The following MYO9B variants were observed in gnomAD, a reference collection of about 807,000 sequenced individuals.
The protein encoded by MYO9B is unconventional myosin-IXb.
Under a neutral mutation model 229.5 loss-of-function variants are expected in MYO9B, and 71 were observed. That is an observed-to-expected ratio of 0.31 (90% CI 0.26 to 0.38). MYO9B has a LOEUF of 0.38. Ranked by LOEUF, MYO9B falls within the 10% of genes least tolerant of loss-of-function variation. MYO9B has a pLI of 1.00. For missense variants in MYO9B, 2,255 were observed against 2,920.5 expected (o/e 0.77, Z 5.25); for synonymous variants, 1,185 against 1,235.8 (o/e 0.96, Z 0.86).
intron 2 of MYO9B, among the ~76,000 whole-genome samples, chr19:17,127,686 G>A (rs1406043391): frequency 6.6e-6 from 1 of 152,188 alleles, no homozygotes; most frequent in Non-Finnish European, 1.5e-5. Context: ...TACAGTAATA[G>A]GTGGCTGGCC....
rs547342934 is a variant in MYO9B at position 17,173,313 on chromosome 19, T to TTTTTTTTTTA, written c.2140+350_2140+351insTTTTTTTTTA. 1.6e-5 allele frequency among the ~76,000 whole-genome samples: 2 copies of TTTTTTTTTTA among 125,884 alleles called. 1 individual carries two copies. The highest frequency in any genetic ancestry group is 3.2e-5 in the Non-Finnish European group (2 of 62,336). The allele number at this position is 125,884 out of a possible 152,430, so 82.6% of individuals were successfully genotyped here. ...TGCTCTTTTTTTTTTTTTTTTTTTT[T>TTTTTTTTTTA]AGAGACAGGGTCTCTCTCTCTCTCT... is the stretch of plus-strand genomic sequence containing the variant. On this transcript the variant is annotated intron_variant, in intron 13 of 39. Coordinates refer to ENST00000682292, the MANE Select transcript of MYO9B (RefSeq NM_004145.4).
chr19:17,111,070 G>T (rs2057843465), intron 2 of MYO9B, among the ~76,000 whole-genome samples: 1 of 152,048 alleles, frequency 6.6e-6, no homozygotes, highest in South Asian at 2.1e-4. Context: ...TATCCACTTC[G>T]ACCTCTGCCC....
chr19:17,076,466 C>G (rs952973102), intron 1 of MYO9B, among the ~76,000 whole-genome samples: 1 of 151,888 alleles, frequency 6.6e-6, no homozygotes, highest in Non-Finnish European at 1.5e-5. Context: ...GTAGAAGTCA[C>G]GGTAAGAACT....
intron 1 of MYO9B, among the ~76,000 whole-genome samples, chr19:17,085,995 G>A (rs1339107821): frequency 6.6e-6 from 1 of 152,094 alleles, no homozygotes; most frequent in Non-Finnish European, 1.5e-5. Context: ...CCTTCTACCT[G>A]TGACCAGAAC....
intron 11 of MYO9B, among the ~76,000 whole-genome samples, chr19:17,169,086 C>T (rs114725731): frequency 0.032 from 4,913 of 152,058 alleles, 260 homozygotes; most frequent in African/African-American, 0.11. Context: ...AAAGATTCCA[C>T]CTCGGCCAGG....
chr19:17,091,222 T>G (rs1037900086), intron 1 of MYO9B, among the ~76,000 whole-genome samples: 1 of 149,014 alleles, frequency 6.7e-6, no homozygotes, highest in Non-Finnish European at 1.5e-5. Context: ...GCAGTTTTGT[T>G]TTGTTTTTTG....
At chr19:17,209,187 A>C (rs1010957478) in intron 35 of MYO9B, among the ~76,000 whole-genome samples, 5 of 152,158 alleles carry the variant, frequency 3.3e-5, no homozygotes, top group Non-Finnish European at 7.3e-5. Context: ...GATACTGACA[A>C]CACCAGGCTG....
At chr19:17,199,514 T>G (rs2073082635) in intron 24 of MYO9B, among the ~76,000 whole-genome samples, 1 of 139,924 alleles carries the variant, frequency 7.1e-6, no homozygotes, top group Non-Finnish European at 1.5e-5. Flanking sequence ...TTTTTGTTTG[T>G]TTTTTTTTTG....
intron 2 of MYO9B, among the ~76,000 whole-genome samples, chr19:17,114,719 T>C (rs2145094493): frequency 6.6e-6 from 1 of 152,138 alleles, no homozygotes; most frequent in Non-Finnish European, 1.5e-5. Flanking sequence ...GATTCTGTGG[T>C]CCTCCCTGTC....
Position 17,195,187 on chromosome 19 carries a change from C to T in MYO9B, c.3760C>T (p.Leu1254=). The change falls in exon 22 of 40, where the codon CTG becomes TTG. Residue 1254 remains leucine, a synonymous_variant. Transcript: ENST00000682292. The surrounding 1 kb of genome is among the most constrained non-coding windows in gnomAD (Gnocchi z 4.5). ...TGGCCAGTTGGAGCGGCCGACCAGC[C>T]TGGCCCTGGACAGCAGGGTCAGCCC... is the stretch of plus-strand genomic sequence containing the variant. The part of the protein sequence containing the change: ...RPGQLERPTS[L]ALDSRVSPPA... The T allele has an allele frequency of 6.2e-7, 1 of 1,611,904 alleles. No homozygotes were observed. Among genetic ancestry groups the T allele is most frequent in the Non-Finnish European group, 8.5e-7 (1 of 1,179,598 alleles).
chr19:17,101,799 A>G lies in MYO9B; in HGVS notation c.82A>G (p.Thr28Ala). ...GCACATCTACCCCCAGCTGTCCACC[A>G]CCGAGAGCCAGGCCTCGTGCCGCGT... ...HLHIYPQLST[T>A]ESQASCRVTA... Residue 28 changes from threonine to alanine, a missense_variant, in exon 2 of 40, where the codon ACC becomes GCC. Thr to Ala is a moderately conservative substitution (Grantham distance 58). Coordinates refer to ENST00000682292, the MANE Select transcript of MYO9B (RefSeq NM_004145.4). This position sits in a 1 kb window ranked among gnomAD's most constrained non-coding sequence, Gnocchi z 4.7. 4.4e-6 allele frequency: 7 copies of G among 1,605,660 alleles called. No homozygotes were observed. The highest frequency in any genetic ancestry group is 5.9e-6 in the Non-Finnish European group (7 of 1,178,822).
intron 1 of MYO9B, among the ~76,000 whole-genome samples, chr19:17,077,541 C>T (rs552169998): frequency 2.6e-5 from 4 of 152,318 alleles, no homozygotes; most frequent in East Asian, 3.9e-4. Flanking sequence ...TCTTCCCTGC[C>T]GCTAGAGAAT....
At chr19:17,174,221 T>C (rs996764808) in intron 13 of MYO9B, among the ~76,000 whole-genome samples, 2 of 151,580 alleles carry the variant, frequency 1.3e-5, no homozygotes, top group Non-Finnish European at 2.9e-5. Flanking sequence ...TTAGTAGAGA[T>C]AGGGTTTCAC....
At chr19:17,199,515 T>A (rs150622816) in intron 24 of MYO9B, among the ~76,000 whole-genome samples, 10 of 151,346 alleles carry the variant, frequency 6.6e-5, no homozygotes, top group African/African-American at 2.4e-4. Context: ...TTTTGTTTGT[T>A]TTTTTTTTGA....
rs1210843219 is a variant in MYO9B, at chr19:17,186,006, GT to G, written c.2577+8del. On this transcript the variant is annotated splice_donor_region_variant and intron_variant, in intron 18 of 39. Transcript: ENST00000682292. ...ATCCGTTCCAATGCTGAAAAGGTGA[GT>G]TTCTCTAAGGTGTTTGGGAGGAGAA... 6.2e-7 allele frequency: 1 copy of G among 1,613,242 alleles called. No homozygotes were observed. Among genetic ancestry groups the G allele is most frequent in the African/African-American group, 1.3e-5 (1 of 74,880 alleles).
At position 17,119,939 on chromosome 19, in the gene MYO9B, C is replaced by T. The variant is rs568888971; in HGVS notation, c.840+17382C>T. Among the ~76,000 whole-genome samples, 14 of 152,258 alleles carry T rather than the reference C, an allele frequency of 9.2e-5. No homozygotes were observed. In the South Asian group the frequency reaches 1.9e-3, roughly 20 times the overall value. On this transcript the variant is annotated intron_variant, in intron 2 of 39. Transcript: ENST00000682292. Reference sequence around the variant, plus strand: ...CAGGGATTACAGCTATAAGCCATTGCGCCCGGCCAAGCTCGGGAGTTTGAG... The same window carrying T: ...CAGGGATTACAGCTATAAGCCATTGTGCCCGGCCAAGCTCGGGAGTTTGAG...
At chr19:17,202,724 C>T in intron 28 of MYO9B, 118 bp from the exon 29 acceptor site, 1 of 1,016,364 alleles carries the variant, frequency 9.8e-7, no homozygotes, top group Non-Finnish European at 1.4e-6. Flanking sequence ...GACAATGATG[C>T]CACTCCAGGT....
intron 2 of MYO9B, among the ~76,000 whole-genome samples, chr19:17,136,000 C>G (rs1200970591): frequency 2.6e-5 from 4 of 152,220 alleles, no homozygotes; most frequent in African/African-American, 9.6e-5. Context: ...CACCCCAGGG[C>G]CACCAACAGG....
intron 8 of MYO9B, among the ~76,000 whole-genome samples, chr19:17,161,218 C>T (rs1378370912): frequency 1.3e-5 from 2 of 152,108 alleles, no homozygotes; most frequent in African/African-American, 4.8e-5. Flanking sequence ...CCACCCCCTC[C>T]CCGAGCCCAG....
Sources: gnomAD v4.1 joint callset for allele counts (sites outside exome capture counted in the v4.1 genomes callset) on GRCh38, gnomAD v4.1.1 for gene constraint, Gnocchi (gnomAD v3.1) non-coding constraint, MANE v1.5 for transcripts, NCBI Gene and HGNC (gene_info 2026-07-23, HGNC 2026-07-21) for gene names.